CCSER2: variants seen among roughly 807,000 people sequenced by gnomAD.
CCSER2 encodes coiled-coil serine rich protein 2, also known as serine-rich coiled-coil domain-containing protein 2.
A neutral mutation model predicts 92.3 loss-of-function variants in CCSER2; 46 were observed. That is an observed-to-expected ratio of 0.50 (90% CI 0.39 to 0.64). The LOEUF is 0.64. CCSER2 is among the 30% of genes least tolerant of loss of function. The pLI is 0.00. For missense variants in CCSER2, 1,244 were observed against 1,238.9 expected (o/e 1.00, Z -0.06); for synonymous variants, 433 against 431.4 (o/e 1.00, Z -0.04).
chr10:84,513,601 C>T lies in CCSER2; in HGVS notation c.2478C>T (p.His826=), dbSNP rs567249399. 45 of 1,612,856 alleles carry T rather than the reference C, an allele frequency of 2.8e-5. No individual in the cohort carries two copies. In the East Asian group the frequency reaches 3.6e-4, roughly 13 times the overall value. The change falls in exon 10 of 10, where the codon CAC becomes CAT. Residue 826 remains histidine, a synonymous_variant. Coordinates refer to ENST00000372088, the MANE Select transcript of CCSER2 (RefSeq NM_001284240.2). The part of the protein sequence containing the change: ...GGAHPEESFT[H]VLHQESNYGL... ...CACATCCGGAAGAAAGCTTTACACACGTCTTGCACCAAGAAAGCAACTATG... is the reference window on the plus strand; with the variant it reads ...CACATCCGGAAGAAAGCTTTACACATGTCTTGCACCAAGAAAGCAACTATG...
At chr10:84,436,815 A>G (rs952416356) in intron 5 of CCSER2, among the ~76,000 whole-genome samples, 1 of 152,162 alleles carries the variant, frequency 6.6e-6, no homozygotes, top group Non-Finnish European at 1.5e-5. Context: ...CTTAATGAGA[A>G]GTAGTTTCAG....
intron 9 of CCSER2, among the ~76,000 whole-genome samples, chr10:84,479,461 A>C (rs967861196): frequency 6.6e-5 from 10 of 152,210 alleles, no homozygotes; most frequent in Non-Finnish European, 1.5e-4. Context: ...ATTTTGTGTC[A>C]CTTAATGGCT....
intron 9 of CCSER2, among the ~76,000 whole-genome samples, chr10:84,498,599 G>C (rs2131831207): frequency 6.6e-6 from 1 of 152,164 alleles, no homozygotes; most frequent in Middle Eastern, 3.4e-3. Flanking sequence ...TTTCATTTCA[G>C]ACCCTTCATA....
chr10:84,466,085 C>T (rs966309305), intron 7 of CCSER2, among the ~76,000 whole-genome samples: 4 of 152,190 alleles, frequency 2.6e-5, no homozygotes, highest in African/African-American at 7.2e-5. Flanking sequence ...GTCCCTGCTC[C>T]ATTTCCTTCC....
intron 1 of CCSER2, among the ~76,000 whole-genome samples, chr10:84,361,887 A>G (rs536793389): frequency 7.2e-5 from 11 of 152,104 alleles, no homozygotes; most frequent in Non-Finnish European, 1.5e-4. Context: ...TGATCCGCCC[A>G]CCTCGGCCTC....
chr10:84,380,413 G>A (rs1272997433), intron 3 of CCSER2, among the ~76,000 whole-genome samples: 2 of 152,054 alleles, frequency 1.3e-5, no homozygotes, highest in East Asian at 3.9e-4. Context: ...CTCTGAGCCT[G>A]TTGCTTCTGT....
chr10:84,353,839 C>T (rs1003150580), intron 1 of CCSER2, among the ~76,000 whole-genome samples: 4 of 152,002 alleles, frequency 2.6e-5, no homozygotes, highest in Admixed American at 1.3e-4. Flanking sequence ...TTATTTTTAA[C>T]CTCCTCTTTG....
chr10:84,356,101 C>CAAAAAAAA (rs57079136), intron 1 of CCSER2, among the ~76,000 whole-genome samples: 1 of 84,070 alleles, frequency 1.2e-5, no homozygotes, highest in Non-Finnish European at 2.7e-5. Context: ...GAAACTGTCT[C>CAAAAAAAA]AAAAAAAAAA....
chr10:84,482,946 A>G (rs1554861672), intron 9 of CCSER2, among the ~76,000 whole-genome samples: 1 of 152,254 alleles, frequency 6.6e-6, no homozygotes, highest in Non-Finnish European at 1.5e-5. Flanking sequence ...TCTGTTATAT[A>G]TAGCAAAGAG....
At chr10:84,338,160 T>C (rs1010010285) in intron 1 of CCSER2, among the ~76,000 whole-genome samples, 1 of 151,850 alleles carries the variant, frequency 6.6e-6, no homozygotes, top group Non-Finnish European at 1.5e-5. Flanking sequence ...ATGCCTGTAA[T>C]CCCAGCTACT....
intron 5 of CCSER2, among the ~76,000 whole-genome samples, chr10:84,428,934 G>T (rs1843593863): frequency 6.7e-6 from 1 of 149,816 alleles, no homozygotes; most frequent in Non-Finnish European, 1.5e-5. Flanking sequence ...GGTATGTTGT[G>T]TGATTCAGTT....
intron 3 of CCSER2, among the ~76,000 whole-genome samples, chr10:84,401,099 A>G (rs1206253125): frequency 6.6e-6 from 1 of 152,292 alleles, no homozygotes; most frequent in Admixed American, 6.5e-5. Flanking sequence ...GAATACTTGC[A>G]TTAGAAAAGA....
At chr10:84,440,925 T>G (rs965117845) in intron 6 of CCSER2, among the ~76,000 whole-genome samples, 4 of 152,372 alleles carry the variant, frequency 2.6e-5, no homozygotes, top group Middle Eastern at 3.4e-3. Context: ...CATTGTACAT[T>G]GTGTTTTGCC....
intron 9 of CCSER2, among the ~76,000 whole-genome samples, chr10:84,492,659 T>C (rs566006794): frequency 6.6e-6 from 1 of 152,340 alleles, no homozygotes; most frequent in East Asian, 1.9e-4. Flanking sequence ...CCTAGATTGC[T>C]AAGAGTTTTT....
At chr10:84,472,236 T>A (rs564977492) in intron 8 of CCSER2, among the ~76,000 whole-genome samples, 3 of 151,984 alleles carry the variant, frequency 2.0e-5, no homozygotes, top group East Asian at 3.9e-4. Flanking sequence ...ATAAAAAAAA[T>A]TTAGCTAAAG....
At chr10:84,399,777 C>T in intron 3 of CCSER2, among the ~76,000 whole-genome samples, 1 of 145,418 alleles carries the variant, frequency 6.9e-6, no homozygotes. Context: ...TTTTTTAAAC[C>T]TTTGTTCTTT....
intron 8 of CCSER2, among the ~76,000 whole-genome samples, chr10:84,471,107 G>C (rs1439770729): frequency 6.6e-6 from 1 of 151,988 alleles, no homozygotes; most frequent in Non-Finnish European, 1.5e-5. Context: ...TGAGTCAAGA[G>C]CACATTTTGG....
intron 1 of CCSER2, among the ~76,000 whole-genome samples, chr10:84,357,894 C>G (rs181557248): frequency 6.6e-6 from 1 of 152,226 alleles, no homozygotes; most frequent in East Asian, 1.9e-4. Context: ...ACTTAGTAGA[C>G]AAATAATGCT....
chr10:84,373,970 C>CT (rs1183160467), intron 3 of CCSER2, 155 bp downstream of exon 3: 1 of 1,413,806 alleles, frequency 7.1e-7, no homozygotes, highest in Non-Finnish European at 9.4e-7. Context: ...ATATCTGACT[C>CT]TAATATGAAA....
Sources: gnomAD v4.1 joint callset for allele counts (sites outside exome capture counted in the v4.1 genomes callset) on GRCh38, gnomAD v4.1.1 for gene constraint, MANE v1.5 for transcripts, NCBI Gene and HGNC (gene_info 2026-07-23, HGNC 2026-07-21) for gene names.